The following EXOC7 variants were observed in gnomAD, a reference collection of about 807,000 sequenced individuals.
EXOC7 encodes the protein exocyst complex component Exo70.
In EXOC7, 51 loss-of-function variants were observed where a neutral mutation model predicts 87.6. The ratio of observed to expected loss-of-function variants is 0.58; its 90% CI spans 0.46 to 0.73. The LOEUF (loss-of-function observed/expected upper bound fraction) is 0.73. Among genes scored for constraint, EXOC7 ranks in the 30% least tolerant of loss-of-function variants. The probability of loss-of-function intolerance (pLI) is 0.00; values close to 1 mark genes in which losing one functional copy is unlikely to be tolerated. For missense variants in EXOC7, 744 were observed against 888.4 expected (o/e 0.84, Z 2.07); for synonymous variants, 327 against 357.1 (o/e 0.92, Z 0.95).
In EXOC7 at chr17:76,081,898, C is replaced by CCTG. The variant is rs1258817536; in HGVS notation, c.*1747_*1749dup. On this transcript the variant is annotated 3_prime_UTR_variant, in exon 19 of 19. Coordinates refer to ENST00000589210, the MANE Select transcript of EXOC7 (RefSeq NM_001013839.4). ...CTCCCCCAGTTTACTACTTCACCAT[C>CCTG]CTGCTGCTGCTGCTCTTCCTCAGCA... is the stretch of plus-strand genomic sequence containing the variant. 6.2e-7 allele frequency: 1 copy of CCTG among 1,610,530 alleles called. No individual in the cohort carries two copies. Among genetic ancestry groups the CCTG allele is most frequent in the African/African-American group, 1.3e-5 (1 of 74,798 alleles).
At chr17:76,086,256 C>A (rs2067207672) in intron 12 of EXOC7, 111 bp from the exon 13 acceptor site, 3 of 1,089,360 alleles carry the variant, frequency 2.8e-6, no homozygotes, top group Non-Finnish European at 4.1e-6. Flanking sequence ...CCCTGGGCTT[C>A]CTTGGGCAGA....
At position 76,103,176 on chromosome 17, in the gene EXOC7, G is replaced by T. The variant is rs117307775; in HGVS notation, c.126+185C>A. The stretch of plus-strand genomic sequence containing the variant: ...TGGGAAGTGCAGCCTCCTCAGTGAG[G>T]GTACGGAACATGGGGAGGGGGCTAG... On this transcript the variant is annotated intron_variant, in intron 2 of 18. Transcript: ENST00000589210. The T allele has an allele frequency of 4.2e-3, 2,539 of 609,320 alleles. 17 individuals carry two copies. Among genetic ancestry groups the T allele is most frequent in the South Asian group, 0.012 (632 of 52,446 alleles). The allele number at this position is 609,320 out of a possible 1,614,324, so 37.7% of individuals were successfully genotyped here. A position where few individuals can be genotyped will look rare whatever the true frequency, so the allele number is the denominator to read the frequency against.
chr17:76,095,444 G>C (rs914086020), intron 5 of EXOC7, among the ~76,000 whole-genome samples: 1 of 152,126 alleles, frequency 6.6e-6, no homozygotes, highest in African/African-American at 2.4e-5. Flanking sequence ...CTAGTTGTAA[G>C]TTTTAAATAG....
chr17:76,089,327 G>A lies in EXOC7; in HGVS notation c.902-7C>T. ...TCCAGCATGTCATCTCTCCCTGGGGGATGGCACAACTCTTGAGCTGCTGGT... is the reference window on the plus strand; with the variant it reads ...TCCAGCATGTCATCTCTCCCTGGGGAATGGCACAACTCTTGAGCTGCTGGT... On this transcript the variant is annotated splice_region_variant and splice_polypyrimidine_tract_variant and intron_variant, in intron 7 of 18. Transcript: ENST00000589210. 1 of 1,613,704 alleles carries A rather than the reference G, an allele frequency of 6.2e-7. No individual in the cohort carries two copies. Among genetic ancestry groups the A allele is most frequent in the South Asian group, 1.1e-5 (1 of 91,086 alleles).
At chr17:76,087,612 G>A (rs900525200) in intron 12 of EXOC7, 42 bp downstream of exon 12, 2 of 1,539,120 alleles carry the variant, frequency 1.3e-6, no homozygotes, top group Non-Finnish European at 1.8e-6. Flanking sequence ...TCCAGGCAAG[G>A]AGGCGAGTGG....
chr17:76,084,241 G>T lies in EXOC7; in HGVS notation c.1818+7C>A. The T allele has an allele frequency of 3.7e-6, 6 of 1,611,832 alleles. No individual in the cohort carries two copies. Among genetic ancestry groups the T allele is most frequent in the Non-Finnish European group, 5.1e-6 (6 of 1,178,620 alleles). On this transcript the variant is annotated splice_region_variant and intron_variant, in intron 17 of 18. Transcript: ENST00000589210. ...CAAGCAGTGGAGGGGAGAGGACCCC[G>T]ACTCACCTTAAAACGCTCCTTGATA...
chr17:76,091,490 G>T, intron 6 of EXOC7: 1 of 482,644 alleles, frequency 2.1e-6, no homozygotes, highest in African/African-American at 2.0e-5. Context: ...AGGACAGAGG[G>T]TAATGAAGAT....
Position 76,081,676 on chromosome 17 carries a change from A to G in EXOC7, c.*1972T>C, listed in dbSNP as rs1393483489. 6 of 1,613,990 alleles carry G rather than the reference A, an allele frequency of 3.7e-6. No individual in the cohort carries two copies. The highest frequency in any genetic ancestry group is 1.3e-5 in the African/African-American group (1 of 74,916). ...TTGAGCGCATAGGCTACAAGGTGAC[A>G]TTGCTGCTGAGTTACCTCGTCCTCC... On this transcript the variant is annotated 3_prime_UTR_variant, in exon 19 of 19. Coordinates refer to ENST00000589210, the MANE Select transcript of EXOC7 (RefSeq NM_001013839.4).
rs1290903075 is a variant in EXOC7, at chr17:76,081,137, T to C, written c.*2511A>G. 6 of 1,209,886 alleles carry C rather than the reference T, an allele frequency of 5.0e-6. No individual in the cohort carries two copies. The highest frequency in any genetic ancestry group is 1.5e-5 in the South Asian group (1 of 67,954). The allele number at this position is 1,209,886 out of a possible 1,614,324, so 74.9% of individuals were successfully genotyped here. A position where few individuals can be genotyped will look rare whatever the true frequency, so the allele number is the denominator to read the frequency against. Reference sequence around the variant, plus strand: ...AAACAAGGTTTGGGAAGCCCTTCTATGGATCGGTTTTGTGTCCAAGTCTGT... The same window carrying C: ...AAACAAGGTTTGGGAAGCCCTTCTACGGATCGGTTTTGTGTCCAAGTCTGT... On this transcript the variant is annotated 3_prime_UTR_variant, in exon 19 of 19. Transcript: ENST00000589210.
chr17:76,084,131 A>G lies in EXOC7; in HGVS notation c.1827T>C (p.Asn609=), dbSNP rs753374787. ...QIIKERFKGF[N]DGLEELCKIQ... ...TTTTGCACAGTTCTTCGAGGCCATC[A>G]TTGAAGCCCTGGCCACCAAAAAGGT... Residue 609 remains asparagine (N), a synonymous_variant, in exon 18 of 19, where the codon AAT becomes AAC. Coordinates refer to ENST00000589210, the MANE Select transcript of EXOC7 (RefSeq NM_001013839.4). The G allele has an allele frequency of 3.1e-6, 5 of 1,599,440 alleles. No individual in the cohort carries two copies. The South Asian group carries it at 3.4e-5, about 11-fold the overall frequency.
At chr17:76,086,731 C>T in intron 12 of EXOC7, 1 of 800,900 alleles carries the variant, frequency 1.2e-6, no homozygotes, top group Non-Finnish European at 2.0e-6. Context: ...TGAGAGCACC[C>T]CGAGAAAACT....
intron 6 of EXOC7, chr17:76,091,441 A>T: frequency 5.2e-6 from 3 of 571,672 alleles, no homozygotes; most frequent in Non-Finnish European, 6.2e-6. Flanking sequence ...TGATTCTACT[A>T]CCGACCCTCC....
chr17:76,103,154 G>C lies in EXOC7; in HGVS notation c.126+207C>G, dbSNP rs1005651407. 14 of 587,390 alleles carry C rather than the reference G, an allele frequency of 2.4e-5. No individual in the cohort carries two copies. In the African/African-American group the frequency reaches 2.6e-4, roughly 11 times the overall value. The allele number at this position is 587,390 out of a possible 1,614,324, so 36.4% of individuals were successfully genotyped here. On this transcript the variant is annotated intron_variant, in intron 2 of 18. Transcript: ENST00000589210. ...GAAAGCAGCAAGTCCAGGCCAGTGG[G>C]AAGTGCAGCCTCCTCAGTGAGGGTA...
At chr17:76,103,190 G>A (rs2068159774) in intron 2 of EXOC7, 171 bp downstream of exon 2, 2 of 631,308 alleles carry the variant, frequency 3.2e-6, no homozygotes, top group Middle Eastern at 4.2e-4. Context: ...CGGAACATGG[G>A]GAGGGGGCTA....
chr17:76,082,899 C>T lies in EXOC7; in HGVS notation c.*749G>A. 1 of 361,586 alleles carries T rather than the reference C, an allele frequency of 2.8e-6. No individual in the cohort carries two copies. Among genetic ancestry groups the T allele is most frequent in the Non-Finnish European group, 5.0e-6 (1 of 202,014 alleles). 22.4% of individuals were successfully genotyped at this position (361,586 alleles called of 1,614,324 possible). On this transcript the variant is annotated 3_prime_UTR_variant, in exon 19 of 19. Coordinates refer to ENST00000589210, the MANE Select transcript of EXOC7 (RefSeq NM_001013839.4). ...CCCATTTTGCTCCTTAACTTTTCCC[C>T]ATTGTCCCTGTCTCCCAGCCCACAG...
At chr17:76,087,371 G>A in intron 12 of EXOC7, 1 of 497,908 alleles carries the variant, frequency 2.0e-6, no homozygotes, top group Non-Finnish European at 3.6e-6. Context: ...GGGCAGAAAG[G>A]ACACCTTCCA....
Position 76,081,590 on chromosome 17 carries a change from G to C in EXOC7, c.*2058C>G. ...GCTCAAGTCCATCATCGCTCTCTTG[G>C]TGCCTGCAGAGGCACTGCTGTTGGC... On this transcript the variant is annotated 3_prime_UTR_variant, in exon 19 of 19. Coordinates refer to ENST00000589210, the MANE Select transcript of EXOC7 (RefSeq NM_001013839.4). 2.5e-6 allele frequency: 4 copies of C among 1,614,014 alleles called. No homozygotes were observed. Among genetic ancestry groups the C allele is most frequent in the Non-Finnish European group, 2.5e-6 (3 of 1,180,036 alleles).
rs1202509197 is a variant in EXOC7, at chr17:76,082,193, C to G, written c.*1455G>C. 6.4e-6 allele frequency: 7 copies of G among 1,087,830 alleles called. No individual in the cohort carries two copies. The East Asian group carries it at 1.8e-4, about 28-fold the overall frequency. The allele number at this position is 1,087,830 out of a possible 1,614,324, so 67.4% of individuals were successfully genotyped here. On this transcript the variant is annotated 3_prime_UTR_variant, in exon 19 of 19. Transcript: ENST00000589210. ...TCCCTGGTCTCCACCATGTCCTCCT[C>G]CCTTAGAAGAAACAGGTCTGGGGCA...
In EXOC7 at chr17:76,081,597, C is replaced by A. The variant is rs1451970742; in HGVS notation, c.*2051G>T. 2 of 1,613,948 alleles carry A rather than the reference C, an allele frequency of 1.2e-6. No individual in the cohort carries two copies. Among genetic ancestry groups the A allele is most frequent in the Admixed American group, 1.7e-5 (1 of 60,010 alleles). On this transcript the variant is annotated 3_prime_UTR_variant, in exon 19 of 19. Transcript: ENST00000589210. ...TCCATCATCGCTCTCTTGGTGCCTGCAGAGGCACTGCTGTTGGCTGACGTG... is the reference window on the plus strand; with the variant it reads ...TCCATCATCGCTCTCTTGGTGCCTGAAGAGGCACTGCTGTTGGCTGACGTG...
Sources: gnomAD v4.1 joint callset for allele counts (sites outside exome capture counted in the v4.1 genomes callset) on GRCh38, gnomAD v4.1.1 for gene constraint, MANE v1.5 for transcripts, NCBI Gene and HGNC (gene_info 2026-07-23, HGNC 2026-07-21) for gene names.